The following HECW1 variants were observed in gnomAD, a reference collection of about 807,000 sequenced individuals.
HECW1 encodes E3 ubiquitin-protein ligase HECW1.
Under a neutral mutation model 182.3 loss-of-function variants are expected in HECW1, and 61 were observed. That is an observed-to-expected ratio of 0.33 (90% CI 0.27 to 0.41). The LOEUF (loss-of-function observed/expected upper bound fraction) is 0.41. HECW1 is among the 10% of genes least tolerant of loss of function. The probability of loss-of-function intolerance (pLI) is 1.00; values close to 1 mark genes in which losing one functional copy is unlikely to be tolerated. For synonymous variants in HECW1, 859 were observed against 832.6 expected (o/e 1.03, Z -0.55); for missense variants, 1,739 against 2,108.9 (o/e 0.82, Z 3.44).
Position 43,407,743 on chromosome 7 carries a change from G to A in HECW1, c.801+12G>A. 1 of 1,591,814 alleles carries A rather than the reference G, an allele frequency of 6.3e-7. No individual in the cohort carries two copies. ...TCTGGCAGGCCGAGGTGAGTGCTGTGGGCCCTGAAAAAAAGCCCAAGTAAA... is the reference window on the plus strand; with the variant it reads ...TCTGGCAGGCCGAGGTGAGTGCTGTAGGCCCTGAAAAAAAGCCCAAGTAAA... On this transcript the variant is annotated intron_variant, in intron 8 of 29. Coordinates refer to ENST00000395891, the MANE Select transcript of HECW1 (RefSeq NM_015052.5).
At chr7:43,514,979 AAGT>A (rs1260105592) in intron 24 of HECW1, among the ~76,000 whole-genome samples, 3 of 152,226 alleles carry the variant, frequency 2.0e-5, no homozygotes, top group Non-Finnish European at 4.4e-5. Context: ...TTCAAAGGCA[AAGT>A]CAGATATATA....
At chr7:43,379,516 T>A (rs961380584) in intron 6 of HECW1, among the ~76,000 whole-genome samples, 10 of 152,144 alleles carry the variant, frequency 6.6e-5, no homozygotes, top group African/African-American at 2.4e-4. Flanking sequence ...TCCCATTACA[T>A]AACGATTCCA....
At chr7:43,169,714 G>A (rs1221515109) in intron 2 of HECW1, among the ~76,000 whole-genome samples, 8 of 137,854 alleles carry the variant, frequency 5.8e-5, no homozygotes, top group African/African-American at 1.1e-4. Flanking sequence ...TTTTTGAGAC[G>A]GAGTCTCGCT....
At chr7:43,164,513 G>A (rs561486847) in intron 2 of HECW1, among the ~76,000 whole-genome samples, 2 of 152,282 alleles carry the variant, frequency 1.3e-5, no homozygotes, top group East Asian at 3.9e-4. Context: ...TCTGTGCTGT[G>A]TGCCCAGACT....
chr7:43,310,084 C>A (rs1808310494), intron 3 of HECW1, among the ~76,000 whole-genome samples: 1 of 152,176 alleles, frequency 6.6e-6, no homozygotes, highest in Non-Finnish European at 1.5e-5. Flanking sequence ...TGGTCTAATT[C>A]ATAATTATTT....
chr7:43,258,814 A>T (rs1800866668), intron 3 of HECW1: 1 of 152,198 alleles, frequency 6.6e-6, no homozygotes, highest in Admixed American at 6.5e-5. Flanking sequence ...ACAGAGGCAA[A>T]TGTCTTGAGT....
intron 3 of HECW1, among the ~76,000 whole-genome samples, chr7:43,284,114 C>T (rs965586744): frequency 5.9e-5 from 9 of 152,122 alleles, no homozygotes; most frequent in Admixed American, 2.6e-4. Flanking sequence ...GACCGTGGGG[C>T]GGGGACCCTT....
intron 3 of HECW1, among the ~76,000 whole-genome samples, chr7:43,247,199 C>A (rs1196823352): frequency 1.3e-5 from 2 of 152,078 alleles, no homozygotes; most frequent in Non-Finnish European, 2.9e-5. Flanking sequence ...GAATTTACTG[C>A]CTTAAGGTAG....
chr7:43,274,173 T>A, intron 3 of HECW1: 1 of 440,510 alleles, frequency 2.3e-6, no homozygotes, highest in Non-Finnish European at 4.0e-6. Flanking sequence ...AGGCCTCGGG[T>A]GCACTAAAAG....
chr7:43,304,471 T>TTTA (rs1438445578), intron 3 of HECW1, among the ~76,000 whole-genome samples: 68 of 138,086 alleles, frequency 4.9e-4, no homozygotes, highest in African/African-American at 1.7e-3. Flanking sequence ...TATTTATTTA[T>TTTA]TTATTTATTT....
intron 11 of HECW1, 79 bp from the exon 12 acceptor site, chr7:43,450,749 T>C: frequency 1.1e-6 from 1 of 885,828 alleles, no homozygotes; most frequent in Admixed American, 1.8e-5. Flanking sequence ...TTGTAGTGCT[T>C]AGTTTTACAG....
intron 26 of HECW1, among the ~76,000 whole-genome samples, chr7:43,548,815 G>A (rs1439845666): frequency 6.6e-6 from 1 of 152,192 alleles, no homozygotes; most frequent in Non-Finnish European, 1.5e-5. Context: ...GTGGTGGCAT[G>A]CACCTATAGT....
intron 2 of HECW1, among the ~76,000 whole-genome samples, chr7:43,169,236 T>C (rs2152665468): frequency 6.6e-6 from 1 of 152,292 alleles, no homozygotes; most frequent in East Asian, 1.9e-4. Context: ...TTAGATGAGA[T>C]CCGGAAGTTC....
intron 24 of HECW1, among the ~76,000 whole-genome samples, chr7:43,524,454 A>G (rs1337990555): frequency 1.3e-5 from 2 of 152,254 alleles, no homozygotes; most frequent in African/African-American, 2.4e-5. Flanking sequence ...TTGAGAAAGG[A>G]TAATTATTTT....
intron 3 of HECW1, among the ~76,000 whole-genome samples, chr7:43,305,046 G>T (rs1231205250): frequency 1.3e-5 from 2 of 152,222 alleles, no homozygotes; most frequent in Non-Finnish European, 2.9e-5. Flanking sequence ...CAGAGTGGAA[G>T]CTTTGGGGTA....
At chr7:43,519,451 G>A (rs1376827225) in intron 24 of HECW1, among the ~76,000 whole-genome samples, 2 of 152,038 alleles carry the variant, frequency 1.3e-5, no homozygotes, top group Non-Finnish European at 2.9e-5. Flanking sequence ...TCACTATTTT[G>A]GCCAGGCTGG....
intron 7 of HECW1, among the ~76,000 whole-genome samples, chr7:43,407,162 C>T (rs6980106): frequency 0.11 from 16,421 of 152,172 alleles, 1,162 homozygotes; most frequent in Middle Eastern, 0.28. Flanking sequence ...CACTCAGCCC[C>T]GTGGAGGCCA....
chr7:43,195,110 A>G (rs1422723701), intron 2 of HECW1, among the ~76,000 whole-genome samples: 1 of 152,222 alleles, frequency 6.6e-6, no homozygotes, highest in Non-Finnish European at 1.5e-5. Flanking sequence ...AGTATGATTT[A>G]CTTTCCACAT....
At chr7:43,265,957 G>A (rs536327035) in intron 3 of HECW1, among the ~76,000 whole-genome samples, 47 of 152,244 alleles carry the variant, frequency 3.1e-4, no homozygotes, top group African/African-American at 1.1e-3. Flanking sequence ...TTGAGGGGGG[G>A]TGTGGATTCT....
Sources: gnomAD v4.1 joint callset for allele counts (sites outside exome capture counted in the v4.1 genomes callset) on GRCh38, gnomAD v4.1.1 for gene constraint, MANE v1.5 for transcripts, NCBI Gene and HGNC (gene_info 2026-07-23, HGNC 2026-07-21) for gene names.